The following TRIM14 variants were observed in gnomAD, a reference collection of about 807,000 sequenced individuals.
TRIM14 encodes the protein tripartite motif-containing protein 14.
In TRIM14, 28 loss-of-function variants were observed where a neutral mutation model predicts 44.5. The ratio of observed to expected loss-of-function variants is 0.63; its 90% CI spans 0.47 to 0.86. The LOEUF is 0.86. Ranked by LOEUF, TRIM14 falls within the 40% of genes least tolerant of loss-of-function variation. TRIM14 has a pLI of 0.00. For missense variants in TRIM14, 607 were observed against 611.1 expected (o/e 0.99, Z 0.07); for synonymous variants, 299 against 269.2 (o/e 1.11, Z -1.08).
intron 1 of TRIM14, among the ~76,000 whole-genome samples, chr9:98,116,301 C>CAAAAAA (rs35650458): frequency 2.0e-5 from 2 of 98,622 alleles, no homozygotes; most frequent in Non-Finnish European, 4.0e-5. Context: ...GACCCTGTCT[C>CAAAAAA]AAAAAAAAAA....
At chr9:98,047,233 G>C in the TRIM14 span, among the ~76,000 whole-genome samples, 1 of 152,094 alleles carries the variant, frequency 6.6e-6, no homozygotes, top group Non-Finnish European at 1.5e-5. Flanking sequence ...TCATTCTCTC[G>C]TCTGCTGCCA....
intron 1 of TRIM14, among the ~76,000 whole-genome samples, chr9:98,118,004 A>G (rs1221948797): frequency 6.6e-6 from 1 of 152,172 alleles, no homozygotes; most frequent in East Asian, 1.9e-4. Flanking sequence ...ATTGTCCCCC[A>G]TGATCCCCTT....
At chr9:98,077,498 C>T (rs1039709215) in intron 6 of TRIM14, among the ~76,000 whole-genome samples, 4 of 151,914 alleles carry the variant, frequency 2.6e-5, no homozygotes, top group African/African-American at 9.7e-5. Context: ...GTGTGAGCCA[C>T]TGCACCTGTC....
chr9:98,077,752 T>TA (rs1829653618), intron 6 of TRIM14, among the ~76,000 whole-genome samples: 1 of 152,128 alleles, frequency 6.6e-6, no homozygotes, highest in Admixed American at 6.5e-5. Context: ...TGATGCTTGA[T>TA]ACTTATTTCA....
chr9:98,082,673 C>T (rs987523307), downstream of TRIM14, among the ~76,000 whole-genome samples: 1 of 152,204 alleles, frequency 6.6e-6, no homozygotes, highest in Non-Finnish European at 1.5e-5. Flanking sequence ...TCAATCTATA[C>T]TGGTTGAATT....
intron 6 of TRIM14, chr9:98,076,549 A>G (rs1829600893): frequency 1.0e-5 from 2 of 193,520 alleles, no homozygotes; most frequent in East Asian, 1.8e-4. Context: ...TAATTTTTAT[A>G]TTTTTAGTAG....
intron 3 of TRIM14, among the ~76,000 whole-genome samples, chr9:98,098,054 T>C (rs1291942355): frequency 6.6e-6 from 1 of 152,198 alleles, no homozygotes; most frequent in Admixed American, 6.5e-5. Flanking sequence ...GGGTTTTGTG[T>C]TGACTGGCTT....
At chr9:98,059,387 TA>T in the TRIM14 span, among the ~76,000 whole-genome samples, 1 of 151,952 alleles carries the variant, frequency 6.6e-6, no homozygotes, top group South Asian at 2.1e-4. Flanking sequence ...GATGGGACTT[TA>T]GTGGGTTTTA....
At chr9:98,051,908 G>C in the TRIM14 span, among the ~76,000 whole-genome samples, 2 of 151,696 alleles carry the variant, frequency 1.3e-5, no homozygotes, top group African/African-American at 4.9e-5. Context: ...TGAGGGGGTG[G>C]GGTGGAGATG....
chr9:98,076,563 C>T lies in TRIM14; in HGVS notation c.*29-6876G>A, dbSNP rs553092908. On this transcript the variant is annotated intron_variant, in intron 6 of 6. Coordinates refer to the TRIM14 transcript ENST00000375098. ...CTAATTTTTATATTTTTAGTAGAGACGGGGTTTCACCATGTTGGTCAGGCT... is the reference window on the plus strand; with the variant it reads ...CTAATTTTTATATTTTTAGTAGAGATGGGGTTTCACCATGTTGGTCAGGCT... 34 of 211,060 alleles carry T rather than the reference C, an allele frequency of 1.6e-4. No individual in the cohort carries two copies. The East Asian group carries it at 4.2e-3, about 26-fold the overall frequency. 13.1% of individuals were successfully genotyped at this position (211,060 alleles called of 1,614,324 possible). A position where few individuals can be genotyped will look rare whatever the true frequency, so the allele number is the denominator to read the frequency against.
downstream of TRIM14, among the ~76,000 whole-genome samples, chr9:98,080,215 A>G (rs1179229101): frequency 3.9e-5 from 6 of 152,218 alleles, no homozygotes; most frequent in East Asian, 1.2e-3. Flanking sequence ...CTCTGTTTCA[A>G]AAAGAAATAA....
chr9:98,081,896 T>C (rs1312234228), downstream of TRIM14: 1 of 152,226 alleles, frequency 6.6e-6, no homozygotes, highest in Non-Finnish European at 1.5e-5. Flanking sequence ...AGTTTCTTTA[T>C]AGAGGAAACA....
At chr9:98,107,480 C>G (rs906831515) in intron 2 of TRIM14, among the ~76,000 whole-genome samples, 1 of 152,196 alleles carries the variant, frequency 6.6e-6, no homozygotes, top group African/African-American at 2.4e-5. Context: ...TGGGAATGAA[C>G]TAGTGGTTCT....
At chr9:98,118,855 G>T (rs1259010066) in intron 1 of TRIM14, 127 bp downstream of exon 1, 1 of 1,145,438 alleles carries the variant, frequency 8.7e-7, no homozygotes, top group Non-Finnish European at 1.2e-6. Flanking sequence ...ACGCCCTCTG[G>T]GGCACCTTTG....
rs534437844 is a variant in TRIM14 at position 98,077,993 on chromosome 9, C to T, written c.*29-8306G>A. Reference sequence around the variant, plus strand: ...TTTGCTCAAGAACACTGTCGGGGGGCAGAGGGGAGCCCACCTTTCCTGTGG... The same window carrying T: ...TTTGCTCAAGAACACTGTCGGGGGGTAGAGGGGAGCCCACCTTTCCTGTGG... On this transcript the variant is annotated intron_variant, in intron 6 of 6. Transcript: ENST00000375098. 7.7e-6 allele frequency: 5 copies of T among 647,066 alleles called. No homozygotes were observed. In the African/African-American group the frequency reaches 9.1e-5, roughly 12 times the overall value. 40.1% of individuals were successfully genotyped at this position (647,066 alleles called of 1,614,324 possible).
At position 98,087,493 on chromosome 9, in the gene TRIM14, T is replaced by C. The variant is rs777555750; in HGVS notation, c.1306A>G (p.Ile436Val). The C allele has an allele frequency of 2.5e-6, 4 of 1,602,196 alleles. No homozygotes were observed. Among genetic ancestry groups the C allele is most frequent in the East Asian group, 4.5e-5 (2 of 44,560 alleles). Residue 436 changes from isoleucine to valine, a missense_variant, in exon 6 of 6, where the codon ATC becomes GTC. Ile to Val is a conservative substitution (Grantham distance 29). This residue lies in a region of TRIM14 where 356 missense variants were observed against 323.0 expected (regional missense o/e 1.10). Coordinates refer to ENST00000341469, the MANE Select transcript of TRIM14 (RefSeq NM_014788.4). ...CCCTAGGGCAGCCGGGGGATGCTGA[T>C]GGCCCCCTCCCAGAGCCGCAGGGCC... ...YPALRLWEGAISIPRLP is the reference protein window; with the variant it reads ...YPALRLWEGAVSIPRLP
At chr9:98,078,445 A>G in intron 6 of TRIM14, 1 of 1,425,186 alleles carries the variant, frequency 7.0e-7, no homozygotes, top group South Asian at 1.3e-5. Context: ...GGCATACTTT[A>G]TAATTTGAAC....
intron 2 of TRIM14, among the ~76,000 whole-genome samples, chr9:98,103,904 C>T (rs1826500558): frequency 6.6e-6 from 1 of 151,734 alleles, no homozygotes; most frequent in African/African-American, 2.4e-5. Context: ...CTGCACAGTC[C>T]ACATAGCAGA....
chr9:98,072,229 C>T (rs1389195463), intron 6 of TRIM14, among the ~76,000 whole-genome samples: 1 of 152,000 alleles, frequency 6.6e-6, no homozygotes, highest in African/African-American at 2.4e-5. Flanking sequence ...GAGCTAAACC[C>T]GTGGGGTGCC....
Sources: gnomAD v4.1 joint callset for allele counts (sites outside exome capture counted in the v4.1 genomes callset) on GRCh38, gnomAD v4.1.1 for gene constraint, gnomAD v4.1.1 regional missense constraint, MANE v1.5 for transcripts, NCBI Gene and HGNC (gene_info 2026-07-23, HGNC 2026-07-21) for gene names.